The following DNAH14 variants were observed in gnomAD, a reference collection of about 807,000 sequenced individuals.
The protein encoded by DNAH14 is dynein axonemal heavy chain 14.
Under a neutral mutation model 520.9 loss-of-function variants are expected in DNAH14, and 478 were observed. That is an observed-to-expected ratio of 0.92 (90% CI 0.85 to 0.99). The LOEUF (loss-of-function observed/expected upper bound fraction) is 0.99. Ranked by LOEUF, DNAH14 falls within the 50% of genes least tolerant of loss-of-function variation. DNAH14 has a pLI of 0.00. For missense variants in DNAH14, 4,831 were observed against 5,234.5 expected, an observed-to-expected ratio of 0.92 and a Z score of 2.38; for synonymous variants, 1,581 against 1,757.2, an observed-to-expected ratio of 0.90 and a Z score of 2.51.
At chr1:225,207,443 G>A (rs1330697351) in intron 41 of DNAH14, among the ~76,000 whole-genome samples, 1 of 152,154 alleles carries the variant, frequency 6.6e-6, no homozygotes, top group East Asian at 1.9e-4. Context: ...CAGGAAAAAT[G>A]ATTGTAAAGA....
chr1:225,292,445 T>C (rs2093914155), intron 55 of DNAH14, among the ~76,000 whole-genome samples: 1 of 152,138 alleles, frequency 6.6e-6, no homozygotes, highest in Non-Finnish European at 1.5e-5. Context: ...TCTATTCTAT[T>C]CCATTGGTCT....
chr1:225,010,961 T>C (rs2064672940), intron 10 of DNAH14, among the ~76,000 whole-genome samples: 1 of 152,154 alleles, frequency 6.6e-6, no homozygotes, highest in Non-Finnish European at 1.5e-5. Flanking sequence ...TCATTTTTTA[T>C]TGTGTCTACT....
chr1:225,272,180 G>A, intron 51 of DNAH14, 107 bp downstream of exon 51: 1 of 1,160,144 alleles, frequency 8.6e-7, no homozygotes, highest in South Asian at 1.6e-5. Context: ...AATGAATGTT[G>A]GTTAGTTTTG....
intron 19 of DNAH14, among the ~76,000 whole-genome samples, chr1:225,081,178 A>G (rs1475910133): frequency 6.6e-6 from 1 of 152,182 alleles, no homozygotes; most frequent in Non-Finnish European, 1.5e-5. Flanking sequence ...CAATGCAAAG[A>G]TACTGTTTTT....
chr1:225,043,194 C>G (rs1430575794), intron 13 of DNAH14, 80 bp downstream of exon 13: 2 of 1,312,286 alleles, frequency 1.5e-6, no homozygotes, highest in East Asian at 3.1e-5. Context: ...CTCTGGGAGG[C>G]TGAGGTGGGA....
intron 27 of DNAH14, among the ~76,000 whole-genome samples, chr1:225,128,945 A>T (rs1162804229): frequency 6.6e-6 from 1 of 151,832 alleles, no homozygotes; most frequent in Non-Finnish European, 1.5e-5. Flanking sequence ...AATCTCCTTA[A>T]GCTGATAAGC....
chr1:225,105,572 G>A (rs375198328), intron 23 of DNAH14, among the ~76,000 whole-genome samples: 2 of 152,208 alleles, frequency 1.3e-5, no homozygotes, highest in African/African-American at 4.8e-5. Flanking sequence ...GGGTGCTCCT[G>A]TATTGGGTGC....
intron 12 of DNAH14, among the ~76,000 whole-genome samples, chr1:225,040,636 T>C (rs1316728093): frequency 6.6e-6 from 1 of 152,216 alleles, no homozygotes; most frequent in East Asian, 1.9e-4. Flanking sequence ...TTTCAGTTTT[T>C]GTTTTTGCTA....
chr1:225,017,630 G>A (rs1200746663), intron 10 of DNAH14, among the ~76,000 whole-genome samples: 2 of 152,208 alleles, frequency 1.3e-5, no homozygotes, highest in African/African-American at 4.8e-5. Flanking sequence ...CCACATTGGA[G>A]TGTTTCCCAC....
intron 22 of DNAH14, among the ~76,000 whole-genome samples, chr1:225,099,362 A>G (rs2075255120): frequency 6.6e-6 from 1 of 152,202 alleles, no homozygotes. Context: ...AAGTGCAGGA[A>G]TACATGGTTA....
chr1:225,331,303 A>G (rs989318000), intron 64 of DNAH14, 134 bp from the exon 65 acceptor site: 4 of 809,046 alleles, frequency 4.9e-6, no homozygotes, highest in Non-Finnish European at 7.5e-6. Context: ...CATTGGTAAT[A>G]TAATCCCTCC....
chr1:225,359,558 G>A (rs972871591), intron 74 of DNAH14, among the ~76,000 whole-genome samples: 2 of 152,162 alleles, frequency 1.3e-5, no homozygotes, highest in African/African-American at 2.4e-5. Flanking sequence ...TGTGTCTTTA[G>A]AATTCATCAT....
intron 64 of DNAH14, among the ~76,000 whole-genome samples, chr1:225,329,832 A>G (rs1184200607): frequency 6.6e-6 from 1 of 152,192 alleles, no homozygotes; most frequent in East Asian, 1.9e-4. Flanking sequence ...GCTTCTGCAC[A>G]GTAAAGGAAA....
chr1:225,053,767 A>G (rs2068773763), intron 17 of DNAH14, among the ~76,000 whole-genome samples: 2 of 152,208 alleles, frequency 1.3e-5, no homozygotes, highest in Admixed American at 1.3e-4. Flanking sequence ...GGGAGGAGGA[A>G]CATAGTACTT....
intron 54 of DNAH14, among the ~76,000 whole-genome samples, chr1:225,282,827 T>G (rs2093656063): frequency 6.6e-6 from 1 of 152,214 alleles, no homozygotes; most frequent in Non-Finnish European, 1.5e-5. Context: ...TATTGATCAT[T>G]CGGGTCTTCT....
intron 34 of DNAH14, among the ~76,000 whole-genome samples, chr1:225,156,709 C>CTT (rs71170061): frequency 0.023 from 1,567 of 68,162 alleles, 130 homozygotes; most frequent in African/African-American, 0.064. Context: ...TCTTAAAATT[C>CTT]TTTTTTTTTT....
intron 17 of DNAH14, among the ~76,000 whole-genome samples, chr1:225,077,530 A>G (rs1282782585): frequency 1.3e-5 from 2 of 152,082 alleles, no homozygotes; most frequent in Non-Finnish European, 2.9e-5. Flanking sequence ...TTTGTATTGG[A>G]GTCTAAATAG....
At chr1:225,091,390 A>G (rs1324420422) in intron 21 of DNAH14, among the ~76,000 whole-genome samples, 2 of 152,202 alleles carry the variant, frequency 1.3e-5, no homozygotes, top group Non-Finnish European at 2.9e-5. Context: ...ACCTTTCAGT[A>G]GAAACCCTAC....
At chr1:225,034,830 A>G (rs970581066) in intron 11 of DNAH14, among the ~76,000 whole-genome samples, 1 of 152,012 alleles carries the variant, frequency 6.6e-6, no homozygotes, top group African/African-American at 2.4e-5. Flanking sequence ...GAATTTATCC[A>G]TCTCTTCTAG....
Sources: gnomAD v4.1 joint callset for allele counts (sites outside exome capture counted in the v4.1 genomes callset) on GRCh38, gnomAD v4.1.1 for gene constraint, MANE v1.5 for transcripts, NCBI Gene and HGNC (gene_info 2026-07-23, HGNC 2026-07-21) for gene names.